The following SPECC1 variants were observed in gnomAD, a reference collection of about 807,000 sequenced individuals.
SPECC1 encodes cytospin-B.
SPECC1 carries 62 observed loss-of-function variants against 104.1 expected under a neutral mutation model. The ratio of observed to expected loss-of-function variants is 0.60; its 90% confidence interval spans 0.49 to 0.74. SPECC1 has a LOEUF of 0.74. SPECC1 is among the 30% of genes least tolerant of loss of function. The pLI, the probability that SPECC1 is intolerant of heterozygous loss-of-function variation, is 0.00. For missense variants in SPECC1, 1,306 were observed against 1,310.5 expected (o/e 1.00, Z 0.05); for synonymous variants, 513 against 501.6 (o/e 1.02, Z -0.30).
At chr17:20,052,780 G>C (rs1049017292) in intron 1 of SPECC1, among the ~76,000 whole-genome samples, 3 of 152,218 alleles carry the variant, frequency 2.0e-5, no homozygotes, top group Non-Finnish European at 4.4e-5. Context: ...CTGAAACCTG[G>C]AACAGGCCAG....
At chr17:20,072,824 T>C (rs1402049897) in intron 1 of SPECC1, among the ~76,000 whole-genome samples, 3 of 152,204 alleles carry the variant, frequency 2.0e-5, no homozygotes, top group South Asian at 2.1e-4. Flanking sequence ...ATGACTAAGC[T>C]TAGCCCAGGC....
At chr17:20,183,973 C>T (rs1208978317) in intron 3 of SPECC1, among the ~76,000 whole-genome samples, 2 of 151,144 alleles carry the variant, frequency 1.3e-5, no homozygotes, top group Non-Finnish European at 2.9e-5. Flanking sequence ...GAGTTCGAGA[C>T]CAGCCTGGGC....
At chr17:20,192,778 AT>A (rs2035758995) in intron 3 of SPECC1, among the ~76,000 whole-genome samples, 1 of 152,190 alleles carries the variant, frequency 6.6e-6, no homozygotes, top group Non-Finnish European at 1.5e-5. Context: ...CTACATATAT[AT>A]TGTGCCCTGC....
intron 3 of SPECC1, among the ~76,000 whole-genome samples, chr17:20,169,297 A>G (rs1008639855): frequency 6.6e-5 from 10 of 152,192 alleles, no homozygotes; most frequent in South Asian, 2.1e-4. Context: ...GATACAAACT[A>G]TCTCCTCAGA....
intron 3 of SPECC1, among the ~76,000 whole-genome samples, chr17:20,139,004 T>C (rs1200188628): frequency 6.6e-6 from 1 of 152,208 alleles, no homozygotes; most frequent in Non-Finnish European, 1.5e-5. Flanking sequence ...GCTGCAGCAA[T>C]TCAGAGACAA....
At chr17:20,095,448 A>C (rs895045682) in intron 1 of SPECC1, among the ~76,000 whole-genome samples, 1 of 152,248 alleles carries the variant, frequency 6.6e-6, no homozygotes, top group Non-Finnish European at 1.5e-5. Context: ...GAGCTCAGTC[A>C]GATGCATGCC....
intron 1 of SPECC1, among the ~76,000 whole-genome samples, chr17:20,022,754 C>T (rs1240427889): frequency 1.3e-5 from 2 of 152,200 alleles, no homozygotes; most frequent in Non-Finnish European, 2.9e-5. Flanking sequence ...TGTCATTTGA[C>T]TTTATGACCA....
intron 14 of SPECC1, among the ~76,000 whole-genome samples, chr17:20,307,381 TC>T (rs1369395202): frequency 6.6e-6 from 1 of 152,226 alleles, no homozygotes; most frequent in Admixed American, 6.5e-5. Context: ...CCATGCTTGT[TC>T]TTTGTGGTTG....
At chr17:20,215,601 A>G (rs933032093) in intron 4 of SPECC1, among the ~76,000 whole-genome samples, 1 of 152,244 alleles carries the variant, frequency 6.6e-6, no homozygotes, top group Non-Finnish European at 1.5e-5. Context: ...GCATGTAACT[A>G]TTTGAATGAA....
intron 1 of SPECC1, among the ~76,000 whole-genome samples, chr17:20,045,032 C>G (rs1387158201): frequency 1.3e-5 from 2 of 152,074 alleles, no homozygotes; most frequent in Non-Finnish European, 2.9e-5. Flanking sequence ...TTTCTTTTTC[C>G]AAAAAGTAAT....
chr17:20,218,880 C>T (rs1275524711), intron 4 of SPECC1, among the ~76,000 whole-genome samples: 1 of 152,154 alleles, frequency 6.6e-6, no homozygotes, highest in Non-Finnish European at 1.5e-5. Context: ...TTTTAACTCC[C>T]ACAAATGAGT....
At chr17:20,208,077 G>C (rs1472288868) in intron 4 of SPECC1, among the ~76,000 whole-genome samples, 1 of 152,180 alleles carries the variant, frequency 6.6e-6, no homozygotes, top group Non-Finnish European at 1.5e-5. Context: ...TAAACTAAAT[G>C]TAATTTAAAG....
At position 20,297,026 on chromosome 17, in the gene SPECC1, C is replaced by T. The variant is rs769083938; in HGVS notation, c.3006C>T (p.His1002=). Residue 1002 remains histidine (H), a synonymous_variant, in exon 13 of 15, where the codon CAC becomes CAT. Transcript: ENST00000395527. ...SDGLAFCALL[H]TYLPAHIPYQ... ...GCCTGGCCTTCTGTGCTCTGCTCCA[C>T]ACCTACCTGCCTGCCCACATCCCCT... 11 of 1,614,090 alleles carry T rather than the reference C, an allele frequency of 6.8e-6. No homozygotes were observed. The East Asian group carries it at 1.8e-4, about 26-fold the overall frequency.
intron 3 of SPECC1, among the ~76,000 whole-genome samples, chr17:20,127,031 C>T (rs529898508): frequency 6.6e-6 from 1 of 152,330 alleles, no homozygotes; most frequent in Non-Finnish European, 1.5e-5. Flanking sequence ...TGATCACTTT[C>T]ATTCATGCTC....
intron 3 of SPECC1, among the ~76,000 whole-genome samples, chr17:20,175,784 C>A (rs2034431638): frequency 6.6e-6 from 1 of 152,150 alleles, no homozygotes; most frequent in Non-Finnish European, 1.5e-5. Flanking sequence ...CCCTAGGGGG[C>A]CTGGGCCTCT....
At chr17:20,072,881 G>C (rs1056995595) in intron 1 of SPECC1, among the ~76,000 whole-genome samples, 4 of 152,144 alleles carry the variant, frequency 2.6e-5, no homozygotes, top group African/African-American at 9.7e-5. Context: ...CATGTTGCTT[G>C]TTTACCTTCA....
At chr17:20,036,602 A>G (rs1317985070) in intron 1 of SPECC1, among the ~76,000 whole-genome samples, 3 of 152,340 alleles carry the variant, frequency 2.0e-5, no homozygotes, top group East Asian at 3.9e-4. Flanking sequence ...CAAGAATACA[A>G]TATATTAAGT....
rs192822666 is a variant in SPECC1, at chr17:20,232,471, G to A, written c.2351+66G>A. ...CACTATGTATGGGGCTCCCTGGTGG[G>A]GATGGGACTCTTCATGTCTGTGCCA... On this transcript the variant is annotated intron_variant, in intron 7 of 14. Coordinates refer to ENST00000395527, the MANE Select transcript of SPECC1 (RefSeq NM_001243439.2). 9.3e-4 allele frequency: 1,406 copies of A among 1,505,502 alleles called. 3 individuals are homozygous for A. Among genetic ancestry groups the A allele is most frequent in the South Asian group, 1.7e-3 (135 of 81,112 alleles). 93.3% of individuals were successfully genotyped at this position (1,505,502 alleles called of 1,614,324 possible).
intron 12 of SPECC1, among the ~76,000 whole-genome samples, chr17:20,285,244 G>T (rs1243139209): frequency 2.0e-5 from 3 of 152,200 alleles, no homozygotes; most frequent in African/African-American, 7.2e-5. Flanking sequence ...ATTCATGAGT[G>T]CTGTCTCTAC....
Sources: gnomAD v4.1 joint callset for allele counts (sites outside exome capture counted in the v4.1 genomes callset) on GRCh38, gnomAD v4.1.1 for gene constraint, MANE v1.5 for transcripts, NCBI Gene and HGNC (gene_info 2026-07-23, HGNC 2026-07-21) for gene names.